NTNG2: variants seen among roughly 807,000 people sequenced by gnomAD.
NTNG2 encodes netrin-G2.
A neutral mutation model predicts 47.6 loss-of-function variants in NTNG2; 15 were observed. The ratio of observed to expected loss-of-function variants is 0.32; its 90% CI spans 0.21 to 0.49. The LOEUF (loss-of-function observed/expected upper bound fraction) is 0.49, where lower values mean the gene tolerates loss of function less well. Among genes scored for constraint, NTNG2 ranks in the 20% least tolerant of loss-of-function variants. The pLI is 0.99. For synonymous variants in NTNG2, 307 were observed against 324.6 expected (o/e 0.95, Z 0.58); for missense variants, 578 against 764.6 (o/e 0.76, Z 2.88).
At chr9:132,240,874 AG>A in intron 6 of NTNG2, 35 bp from the exon 7 acceptor site, 2 of 1,612,318 alleles carry the variant, frequency 1.2e-6, no homozygotes, top group Non-Finnish European at 8.5e-7. Context: ...GCCCACACGT[AG>A]CCCTGACCGC....
intron 3 of NTNG2, among the ~76,000 whole-genome samples, chr9:132,204,377 G>A (rs764664190): frequency 4.6e-4 from 70 of 151,944 alleles, no homozygotes; most frequent in Admixed American, 9.8e-4. Flanking sequence ...CCTATTGATC[G>A]CCCCGTAACT....
rs891798446 is a variant in NTNG2 at position 132,208,537 on chromosome 9, G to A, written c.857+9928G>A. Among the ~76,000 whole-genome samples the A allele has an allele frequency of 1.3e-4, 20 of 152,080 alleles. No individual in the cohort carries two copies. Among genetic ancestry groups the A allele is most frequent in the Admixed American group, 2.0e-4 (3 of 15,278 alleles). ...GCCTGGCCGGGTTCTGGCAGGGACA[G>A]GGGCTGTGATGTGGGCCGCCTGGAG... On this transcript the variant is annotated intron_variant, in intron 3 of 7. Transcript: ENST00000393229. The surrounding 1 kb of genome is among the most constrained non-coding windows in gnomAD (Gnocchi z 4.0).
At chr9:132,165,836 T>G (rs1187045128) in intron 1 of NTNG2, among the ~76,000 whole-genome samples, 1 of 152,214 alleles carries the variant, frequency 6.6e-6, no homozygotes, top group Admixed American at 6.5e-5. Flanking sequence ...ATGCCCGATC[T>G]CCAAATGTGC....
At position 132,235,179 on chromosome 9, in the gene NTNG2, G is replaced by T. The variant is rs187313559; in HGVS notation, c.1055-3925G>T. Reference sequence around the variant, plus strand: ...ATGCTGGGGAAGGCTCCGGTCCCTGGATTGCGGCTGGACAGGAAGGACACC... The same window carrying T: ...ATGCTGGGGAAGGCTCCGGTCCCTGTATTGCGGCTGGACAGGAAGGACACC... On this transcript the variant is annotated intron_variant, in intron 5 of 7. Transcript: ENST00000393229. Among the ~76,000 whole-genome samples the T allele has an allele frequency of 1.3e-3, 203 of 152,326 alleles. 1 individual carries two copies. Among genetic ancestry groups the T allele is most frequent in the Non-Finnish European group, 2.3e-3 (157 of 68,032 alleles).
chr9:132,222,708 C>A (rs1253741047), intron 3 of NTNG2, among the ~76,000 whole-genome samples: 2 of 152,174 alleles, frequency 1.3e-5, no homozygotes, highest in East Asian at 3.8e-4. Flanking sequence ...CCACCCAGGA[C>A]CTGCAGGATT....
chr9:132,164,140 G>A (rs1226739593), intron 1 of NTNG2, among the ~76,000 whole-genome samples: 1 of 152,148 alleles, frequency 6.6e-6, no homozygotes, highest in Non-Finnish European at 1.5e-5. Context: ...AATTCCCCCT[G>A]CGATGCCAGC....
At chr9:132,169,031 C>A (rs1835697410) in intron 2 of NTNG2, among the ~76,000 whole-genome samples, 1 of 152,164 alleles carries the variant, frequency 6.6e-6, no homozygotes, top group African/African-American at 2.4e-5. Flanking sequence ...GAGGTGGTCA[C>A]CCCTCCCAGT....
intron 3 of NTNG2, among the ~76,000 whole-genome samples, chr9:132,202,037 C>T (rs1370041161): frequency 1.3e-5 from 2 of 152,210 alleles, no homozygotes; most frequent in African/African-American, 2.4e-5. Context: ...ACTCAGCCAC[C>T]GAGCTGTCCC....
chr9:132,162,800 G>T lies in NTNG2; in HGVS notation c.-484+561G>T, dbSNP rs1200304229. 6.6e-6 allele frequency among the ~76,000 whole-genome samples: 1 copy of T among 151,948 alleles called. No homozygotes were observed. The highest frequency in any genetic ancestry group is 1.5e-5 in the Non-Finnish European group (1 of 67,978). ...CACAGAGAAACTCCCGGCCAGTCCG[G>T]CTGGAAACTTCTCCCGGCGCCGGGA... On this transcript the variant is annotated intron_variant, in intron 1 of 7. Transcript: ENST00000393229. The surrounding 1 kb of genome is among the most constrained non-coding windows in gnomAD (Gnocchi z 4.6).
chr9:132,240,969 G>A lies in NTNG2; in HGVS notation c.1282G>A (p.Glu428Lys), dbSNP rs760759085. The A allele has an allele frequency of 6.2e-7, 1 of 1,611,976 alleles. No individual in the cohort carries two copies. Among genetic ancestry groups the A allele is most frequent in the Admixed American group, 1.7e-5 (1 of 59,984 alleles). The stretch of plus-strand genomic sequence containing the variant: ...CCGGTGCAACGAGACCGGCTTCTGC[G>A]AGTGCCGCGAGGGCGCGGCGGGCCC... ...HDRCNETGFC[E>K]CREGAAGPKC... Residue 428 changes from glutamate to lysine, a missense_variant, in exon 7 of 8, where the codon GAG becomes AAG. Transcript: ENST00000393229.
intron 2 of NTNG2, among the ~76,000 whole-genome samples, chr9:132,176,675 G>A (rs1836485662): frequency 6.6e-6 from 1 of 152,194 alleles, no homozygotes; most frequent in Admixed American, 6.5e-5. Context: ...TTTTGCATGT[G>A]TGTATGTCTT....
chr9:132,193,507 C>T (rs749011051), intron 2 of NTNG2, among the ~76,000 whole-genome samples: 12 of 152,044 alleles, frequency 7.9e-5, no homozygotes, highest in African/African-American at 2.2e-4. Context: ...TGGGAGGGGA[C>T]GAAGTGGCCT....
At chr9:132,205,839 C>A (rs902781227) in intron 3 of NTNG2, among the ~76,000 whole-genome samples, 5 of 152,060 alleles carry the variant, frequency 3.3e-5, no homozygotes, top group African/African-American at 9.7e-5. Flanking sequence ...TGAGATCGCA[C>A]CACTGCACTC....
At chr9:132,175,648 A>T (rs1836380190) in intron 2 of NTNG2, among the ~76,000 whole-genome samples, 1 of 152,202 alleles carries the variant, frequency 6.6e-6, no homozygotes, top group East Asian at 1.9e-4. Context: ...GCTTAAGTAT[A>T]TGAAAATGTG....
intron 2 of NTNG2, among the ~76,000 whole-genome samples, chr9:132,185,320 G>A (rs1837275917): frequency 6.6e-6 from 1 of 152,180 alleles, no homozygotes; most frequent in Non-Finnish European, 1.5e-5. Flanking sequence ...AGGAGAGGGG[G>A]CCCAGAAAAG....
intron 3 of NTNG2, among the ~76,000 whole-genome samples, chr9:132,204,874 A>C (rs1445475350): frequency 1.3e-5 from 2 of 152,174 alleles, no homozygotes; most frequent in Non-Finnish European, 2.9e-5. Context: ...CCAGGAGTTC[A>C]AGACCAGCCT....
At chr9:132,205,075 C>T (rs774953946) in intron 3 of NTNG2, among the ~76,000 whole-genome samples, 2 of 152,130 alleles carry the variant, frequency 1.3e-5, no homozygotes, top group Non-Finnish European at 2.9e-5. Flanking sequence ...GGCTCCTGAA[C>T]AAGTTACATG....
intron 6 of NTNG2, among the ~76,000 whole-genome samples, chr9:132,239,836 T>C (rs1841871390): frequency 6.6e-6 from 1 of 152,272 alleles, no homozygotes; most frequent in Admixed American, 6.5e-5. Flanking sequence ...CAGCTCTTTT[T>C]TGTGGCTGAA....
upstream of NTNG2, chr9:132,161,935 G>A (rs1272867232): frequency 6.6e-6 from 1 of 150,940 alleles, no homozygotes; most frequent in East Asian, 2.0e-4. This position sits in a 1 kb window ranked among gnomAD's most constrained non-coding sequence, Gnocchi z 7.2. Flanking sequence ...GCACTTGTTA[G>A]CGGCGACCTC....
Sources: gnomAD v4.1 joint callset for allele counts (sites outside exome capture counted in the v4.1 genomes callset) on GRCh38, gnomAD v4.1.1 for gene constraint, Gnocchi (gnomAD v3.1) non-coding constraint, MANE v1.5 for transcripts, NCBI Gene and HGNC (gene_info 2026-07-23, HGNC 2026-07-21) for gene names.